CDC20B: variants seen among roughly 807,000 people sequenced by gnomAD.
The protein encoded by CDC20B is cell division cycle protein 20 homolog B.
Under a neutral mutation model 64.1 loss-of-function variants are expected in CDC20B, and 58 were observed. The observed-to-expected ratio is 0.90, with a 90% CI of 0.73 to 1.13. The LOEUF (loss-of-function observed/expected upper bound fraction) is 1.13, where lower values mean the gene tolerates loss of function less well. Among genes scored for constraint, CDC20B ranks in the 50% most tolerant of loss-of-function variants. The probability of loss-of-function intolerance (pLI) is 0.00; values close to 1 mark genes in which losing one functional copy is unlikely to be tolerated. For missense variants in CDC20B, 597 were observed against 633.0 expected, an observed-to-expected ratio of 0.94 and a Z score of 0.61; for synonymous variants, 243 against 230.6, an observed-to-expected ratio of 1.05 and a Z score of -0.49.
intron 4 of CDC20B, 63 bp from the exon 5 acceptor site, chr5:55,140,470 A>G (rs751371490): frequency 3.5e-5 from 39 of 1,098,940 alleles, no homozygotes; most frequent in Non-Finnish European, 4.9e-5. Context: ...ACTAAAATGT[A>G]ATGTATAATA....
rs957540436 is a variant in CDC20B, at chr5:55,172,576, C to T, written c.126+12G>A. The T allele has an allele frequency of 6.2e-7, 1 of 1,602,286 alleles. No homozygotes were observed. The highest frequency in any genetic ancestry group is 1.7e-5 in the Admixed American group (1 of 60,006). On this transcript the variant is annotated intron_variant, in intron 2 of 11. Transcript: ENST00000381375. ...AATTAAAACAGAGAACAAGAACAAG[C>T]CCTGGACTCACGTTGGCGGAATCTT...
chr5:55,125,672 T>C (rs1045218770), intron 8 of CDC20B, among the ~76,000 whole-genome samples: 6 of 152,242 alleles, frequency 3.9e-5, no homozygotes, highest in African/African-American at 2.4e-5. Flanking sequence ...TTTTCAAAGA[T>C]AATGAACGCT....
chr5:55,147,935 T>C (rs968214910), intron 2 of CDC20B, among the ~76,000 whole-genome samples: 1 of 152,198 alleles, frequency 6.6e-6, no homozygotes, highest in African/African-American at 2.4e-5. Flanking sequence ...TCTGTCCATC[T>C]TCTCTAAGAA....
chr5:55,125,535 T>C (rs539265851), intron 8 of CDC20B, among the ~76,000 whole-genome samples: 1 of 152,354 alleles, frequency 6.6e-6, no homozygotes, highest in South Asian at 2.1e-4. Context: ...AGAACTAAAC[T>C]TCTTTGTAAA....
In CDC20B at chr5:55,150,127, C is replaced by T. The variant is rs536792673; in HGVS notation, c.127-3271G>A. ...AGCCTGGGCAACAAGAGTGAAACCC[C>T]GTCTCAAAAAAATAAATAAAAAATT... On this transcript the variant is annotated intron_variant, in intron 2 of 11. Transcript: ENST00000381375. 2.6e-4 allele frequency among the ~76,000 whole-genome samples: 40 copies of T among 151,774 alleles called. No individual in the cohort carries two copies. In the South Asian group the frequency reaches 6.7e-3, roughly 25 times the overall value.
chr5:55,169,022 AAC>A (rs1334545595), intron 2 of CDC20B, among the ~76,000 whole-genome samples: 11 of 152,232 alleles, frequency 7.2e-5, no homozygotes, highest in African/African-American at 2.4e-4. Context: ...TAAAAAAACT[AAC>A]ACACAAAAGC....
In CDC20B at chr5:55,173,172, C is replaced by G. The variant is rs1473725899; in HGVS notation, c.-172G>C. ...CCAGGTCCCCCACTCCTCCCACCGC[C>G]GCTGCAAGGTGTTCCCCAGGGTACC... On this transcript the variant is annotated 5_prime_UTR_variant, in exon 1 of 12. Coordinates refer to ENST00000381375, the MANE Select transcript of CDC20B (RefSeq NM_001170402.1). 1.7e-6 allele frequency: 1 copy of G among 591,658 alleles called. No homozygotes were observed. The highest frequency in any genetic ancestry group is 3.0e-6 in the Non-Finnish European group (1 of 335,426). 36.7% of individuals were successfully genotyped at this position (591,658 alleles called of 1,614,324 possible). A position where few individuals can be genotyped will look rare whatever the true frequency, so the allele number is the denominator to read the frequency against.
chr5:55,161,624 A>G (rs373225098), intron 2 of CDC20B, among the ~76,000 whole-genome samples: 2 of 152,226 alleles, frequency 1.3e-5, no homozygotes, highest in East Asian at 1.9e-4. Context: ...GCTCTCATGA[A>G]TAGTGCTGGG....
intron 2 of CDC20B, among the ~76,000 whole-genome samples, chr5:55,148,781 A>G (rs746799433): frequency 6.6e-6 from 1 of 152,266 alleles, no homozygotes; most frequent in Non-Finnish European, 1.5e-5. Flanking sequence ...AGTAGTTACT[A>G]TGTATGAAAC....
In CDC20B at chr5:55,124,840, TGGCCCTGTGCACTGGCACCTGGATCGTGG is replaced by T; in HGVS notation, c.1149_1177del (p.His384ThrfsTer63). The T allele has an allele frequency of 6.2e-7, 1 of 1,614,216 alleles. No homozygotes were observed. Among genetic ancestry groups the T allele is most frequent in the South Asian group, 1.1e-5 (1 of 91,080 alleles). ...AGACTGGGTTATGACTTTCAGCGGT[TGGCCCTGTGCACTGGCACCTGGATCGTGG>T]GGCCATATTGTCAGCAGTCCATCAC... On this transcript the variant is annotated frameshift_variant, in exon 9 of 12. Transcript: ENST00000381375. LOFTEE classifies it high-confidence loss of function.
At chr5:55,171,023 T>C (rs1744579023) in intron 2 of CDC20B, among the ~76,000 whole-genome samples, 1 of 152,230 alleles carries the variant, frequency 6.6e-6, no homozygotes, top group Non-Finnish European at 1.5e-5. Flanking sequence ...TAAAAGTTAC[T>C]TAACTGTAGG....
intron 2 of CDC20B, chr5:55,160,443 CTG>C: frequency 6.9e-7 from 1 of 1,457,062 alleles, no homozygotes; most frequent in Non-Finnish European, 9.5e-7. Flanking sequence ...TTCCTTGTCT[CTG>C]TTTATTCCTC....
chr5:55,130,464 C>T (rs1051805171), intron 6 of CDC20B, among the ~76,000 whole-genome samples: 1 of 152,142 alleles, frequency 6.6e-6, no homozygotes, highest in African/African-American at 2.4e-5. Flanking sequence ...GGGGTTCTCA[C>T]CAGATACCAT....
In CDC20B at chr5:55,150,438, C is replaced by T. The variant is rs143552710; in HGVS notation, c.127-3582G>A. Among the ~76,000 whole-genome samples, 1,101 of 152,328 alleles carry T rather than the reference C, an allele frequency of 7.2e-3. 4 individuals carry two copies. The highest frequency in any genetic ancestry group is 0.017 in the Middle Eastern group (5 of 292). ...TGCTGGCCCACCCTGCCTGCAGCCC[C>T]CAGGGGGCGAGGCCGGCTCTCTCTC... On this transcript the variant is annotated intron_variant, in intron 2 of 11. Transcript: ENST00000381375.
At chr5:55,154,451 A>T (rs1365572056) in intron 2 of CDC20B, among the ~76,000 whole-genome samples, 3 of 152,152 alleles carry the variant, frequency 2.0e-5, no homozygotes, top group African/African-American at 7.2e-5. Context: ...TGGGAGGTCG[A>T]CGCTGCAGTG....
intron 2 of CDC20B, among the ~76,000 whole-genome samples, chr5:55,154,176 C>A (rs1280270144): frequency 2.0e-5 from 3 of 152,128 alleles, no homozygotes; most frequent in Non-Finnish European, 4.4e-5. Context: ...GACAACACCC[C>A]AGCACATCCA....
At chr5:55,141,843 G>GGA (rs1743338670) in intron 4 of CDC20B, among the ~76,000 whole-genome samples, 2 of 152,176 alleles carry the variant, frequency 1.3e-5, no homozygotes, top group Admixed American at 6.5e-5. Context: ...GTGCATTGTA[G>GGA]GATGTTTAGC....
In CDC20B at chr5:55,119,824, A is replaced by T. The variant is rs780255392; in HGVS notation, c.1436T>A (p.Val479Glu). 11 of 1,613,728 alleles carry T rather than the reference A, an allele frequency of 6.8e-6. No homozygotes were observed. The South Asian group carries it at 1.1e-4, about 16-fold the overall frequency. ...ACCAAAAAACCCACCTGACCTGGAC[A>T]CAGTGGGACAGGTCCACACAGTCAC... ...NDVTVWTCPT[V>E]SRSGGFFGHR... The change falls in exon 11 of 12, where the codon GTG becomes GAG. Residue 479 changes from valine to glutamate, a missense_variant. Physicochemically the swap from Val to Glu is moderately radical, Grantham distance 121 (BLOSUM62 -2). Transcript: ENST00000381375.
Position 55,124,953 on chromosome 5 carries a change from C to T in CDC20B, c.1065G>A (p.Lys355=), listed in dbSNP as rs764455563. The T allele has an allele frequency of 3.7e-6, 6 of 1,614,064 alleles. No homozygotes were observed. The African/African-American group carries it at 8.0e-5, about 22-fold the overall frequency. The change falls in exon 9 of 12, where the codon AAG becomes AAA. Residue 355 remains lysine (K), a synonymous_variant. Coordinates refer to ENST00000381375, the MANE Select transcript of CDC20B (RefSeq NM_001170402.1). The part of the protein sequence containing the change: ...AQHHVGTLRH[K]QAVCALKWSP... The stretch of plus-strand genomic sequence containing the variant: ...ACCACTTCAGAGCACACACAGCTTG[C>T]TTGTGGCGAAGTGTTCCAACATGAT...
Sources: allele counts gnomAD v4.1 joint callset (sites outside exome capture counted in the v4.1 genomes callset), GRCh38; gene constraint gnomAD v4.1.1; transcripts MANE v1.5; gene names NCBI Gene and HGNC (gene_info 2026-07-23, HGNC 2026-07-21).